The following ARHGEF11 variants were observed in gnomAD, a reference collection of about 807,000 sequenced individuals.
ARHGEF11 encodes Rho guanine exchange factor (GEF) 11.
ARHGEF11 carries 55 observed loss-of-function variants against 193.7 expected under a neutral mutation model. The ratio of observed to expected loss-of-function variants is 0.28; its 90% CI spans 0.23 to 0.36. ARHGEF11 has a LOEUF of 0.36. ARHGEF11 is among the 10% of genes least tolerant of loss of function. ARHGEF11 has a pLI of 1.00. For synonymous variants in ARHGEF11, 693 were observed against 768.0 expected (o/e 0.90, Z 1.62); for missense variants, 1,723 against 2,005.6 (o/e 0.86, Z 2.69).
chr1:157,020,498 T>C (rs1478356220), intron 1 of ARHGEF11, among the ~76,000 whole-genome samples: 1 of 152,236 alleles, frequency 6.6e-6, no homozygotes, highest in Admixed American at 6.5e-5. Context: ...AATGAGGCTA[T>C]GGTCTTTGAA....
At position 156,937,303 on chromosome 1, in the gene ARHGEF11, CACGTCCCTGAGG is replaced by C. The variant is rs1277461304; in HGVS notation, c.4374_4385del (p.Leu1459_Val1462del). The C allele has an allele frequency of 3.7e-6, 6 of 1,613,930 alleles. No individual in the cohort carries two copies. In the East Asian group the frequency reaches 1.1e-4, roughly 30 times the overall value. ...GCTCAATGGTATGGAAGATCATGCC[CACGTCCCTGAGG>C]GCCAGGCTTGGAGGAGAGCGGCTGG... On this transcript the variant is annotated inframe_deletion, in exon 39 of 41. Transcript: ENST00000368194.
chr1:156,969,221 G>A, intron 10 of ARHGEF11, 61 bp downstream of exon 10: 1 of 1,410,860 alleles, frequency 7.1e-7, no homozygotes, highest in East Asian at 2.5e-5. Flanking sequence ...AGCAGAACTT[G>A]GGTCAAGGGA....
chr1:156,992,465 C>T (rs1300025527), intron 1 of ARHGEF11, among the ~76,000 whole-genome samples: 1 of 152,190 alleles, frequency 6.6e-6, no homozygotes, highest in Non-Finnish European at 1.5e-5. Context: ...CAGGTGCCTT[C>T]TAACTATGCA....
At position 157,045,087 on chromosome 1, in the gene ARHGEF11, A is replaced by T. The variant is rs886990323; in HGVS notation, c.-757T>A. The T allele has an allele frequency of 6.6e-6, 1 of 152,142 alleles. No individual in the cohort carries two copies. Among genetic ancestry groups the T allele is most frequent in the Non-Finnish European group, 1.5e-5 (1 of 68,034 alleles). 9.4% of individuals were successfully genotyped at this position (152,142 alleles called of 1,614,324 possible). A position where few individuals can be genotyped will look rare whatever the true frequency, so the allele number is the denominator to read the frequency against. On this transcript the variant is annotated 5_prime_UTR_variant, in exon 1 of 41. Transcript: ENST00000368194. ...AATGAGCCAATTGCACCAAAAAAAA[A>T]AATAAAATAAAAATCAAAGAACACC...
intron 1 of ARHGEF11, among the ~76,000 whole-genome samples, chr1:157,013,835 C>A (rs1668864822): frequency 6.6e-6 from 1 of 152,248 alleles, no homozygotes; most frequent in Non-Finnish European, 1.5e-5. Context: ...CAGGTATCAA[C>A]GTCCTCTCAG....
At chr1:156,993,691 C>G (rs1666090835) in intron 1 of ARHGEF11, among the ~76,000 whole-genome samples, 1 of 152,124 alleles carries the variant, frequency 6.6e-6, no homozygotes. Context: ...CTCCTGGCAC[C>G]CTAACTTTCT....
In ARHGEF11 at chr1:156,948,772, A is replaced by G. The variant is rs1232344601; in HGVS notation, c.1926-274T>C. ...ATTAGGAAGGGATCCTAACAGGAAG[A>G]TGAAATCTGGGGCTAACAGACTCTG... On this transcript the variant is annotated intron_variant, in intron 22 of 40. Transcript: ENST00000368194. The surrounding 1 kb of genome is among the most constrained non-coding windows in gnomAD (Gnocchi z 4.2). 6 of 1,396,278 alleles carry G rather than the reference A, an allele frequency of 4.3e-6. No individual in the cohort carries two copies. The highest frequency in any genetic ancestry group is 5.6e-6 in the Non-Finnish European group (6 of 1,068,066). The allele number at this position is 1,396,278 out of a possible 1,614,324, so 86.5% of individuals were successfully genotyped here. A position where few individuals can be genotyped will look rare whatever the true frequency, so the allele number is the denominator to read the frequency against.
Position 156,978,532 on chromosome 1 carries a change from C to G in ARHGEF11, c.332-150G>C, listed in dbSNP as rs1311172785. 3 of 1,321,876 alleles carry G rather than the reference C, an allele frequency of 2.3e-6. No individual in the cohort carries two copies. In the African/African-American group the frequency reaches 4.5e-5, roughly 20 times the overall value. The allele number at this position is 1,321,876 out of a possible 1,614,324, so 81.9% of individuals were successfully genotyped here. A position where few individuals can be genotyped will look rare whatever the true frequency, so the allele number is the denominator to read the frequency against. On this transcript the variant is annotated intron_variant, in intron 5 of 40. Transcript: ENST00000368194. ...CCTCACTTTTAATGCCCCACCCATT[C>G]TCTAATCCCTGCCTTCATGCCCAAG...
In ARHGEF11 at chr1:156,968,247, C is replaced by T. The variant is rs540304657; in HGVS notation, c.826-123G>A. On this transcript the variant is annotated intron_variant, in intron 10 of 40. Coordinates refer to ENST00000368194, the MANE Select transcript of ARHGEF11 (RefSeq NM_198236.3). ...TCAGCTAAGAGAAGTGCAGTACTTG[C>T]TCTGTGCCTGGTATTATACTAAGCC... 45 of 1,097,278 alleles carry T rather than the reference C, an allele frequency of 4.1e-5. No homozygotes were observed. In the South Asian group the frequency reaches 6.5e-4, roughly 16 times the overall value. The allele number at this position is 1,097,278 out of a possible 1,614,324, so 68.0% of individuals were successfully genotyped here.
intron 17 of ARHGEF11, among the ~76,000 whole-genome samples, chr1:156,958,451 A>C (rs961524487): frequency 3.1e-4 from 47 of 152,268 alleles, no homozygotes; most frequent in African/African-American, 1.1e-3. Flanking sequence ...GAAGGGAGAG[A>C]GGTCAGGAGG....
At chr1:156,999,745 T>A (rs1039673957) in intron 1 of ARHGEF11, among the ~76,000 whole-genome samples, 4 of 152,028 alleles carry the variant, frequency 2.6e-5, no homozygotes, top group Non-Finnish European at 5.9e-5. Context: ...AGAACAAGCA[T>A]CTGTCACAGG....
rs1654797413 is a variant in ARHGEF11 at position 156,934,908 on chromosome 1, ATTATC to A, written c.*1087_*1091del. 3 of 149,960 alleles carry A rather than the reference ATTATC, an allele frequency of 2.0e-5. No homozygotes were observed. The highest frequency in any genetic ancestry group is 2.1e-4 in the South Asian group (1 of 4,788). 9.3% of individuals were successfully genotyped at this position (149,960 alleles called of 1,614,324 possible). On this transcript the variant is annotated 3_prime_UTR_variant, in exon 41 of 41. Transcript: ENST00000368194. ...AAAGGAAGAAAATAAAAGAGTATACATTATCTTAACAGCAGAACAGTCATTTCCAT... is the reference window on the plus strand; with the variant it reads ...AAAGGAAGAAAATAAAAGAGTATACATTAACAGCAGAACAGTCATTTCCAT...
chr1:156,945,993 G>A, intron 29 of ARHGEF11, 52 bp downstream of exon 29: 1 of 1,446,672 alleles, frequency 6.9e-7, no homozygotes, highest in Non-Finnish European at 9.7e-7. Flanking sequence ...TCAGAATGAG[G>A]GTCTGGCACG....
At chr1:157,036,159 G>A (rs1214475954) in intron 1 of ARHGEF11, among the ~76,000 whole-genome samples, 2 of 135,714 alleles carry the variant, frequency 1.5e-5, no homozygotes, top group Admixed American at 7.6e-5. Context: ...ATACATATAT[G>A]AATATATATA....
chr1:156,996,859 A>C (rs1156600644), intron 1 of ARHGEF11, among the ~76,000 whole-genome samples: 1 of 93,866 alleles, frequency 1.1e-5, no homozygotes. Flanking sequence ...CTCTCTCTCT[A>C]TTTTTTTTTT....
intron 1 of ARHGEF11, among the ~76,000 whole-genome samples, chr1:157,020,376 C>T (rs191064063): frequency 1.4e-4 from 22 of 152,234 alleles, no homozygotes; most frequent in Admixed American, 1.4e-3. Context: ...AGAAACTAAA[C>T]ATTCCCTTAC....
chr1:157,027,387 C>CA (rs1032838872), intron 1 of ARHGEF11, among the ~76,000 whole-genome samples: 7 of 151,420 alleles, frequency 4.6e-5, no homozygotes, highest in African/African-American at 9.7e-5. Flanking sequence ...GTCTCACACA[C>CA]AAAAAAAAGA....
intron 26 of ARHGEF11, 77 bp downstream of exon 26, chr1:156,947,227 C>A: frequency 1.3e-6 from 2 of 1,548,074 alleles, no homozygotes; most frequent in Non-Finnish European, 1.7e-6. Context: ...TCAGGGAGGT[C>A]CTGGCAGTGG....
At position 156,936,019 on chromosome 1, in the gene ARHGEF11, G is replaced by T; in HGVS notation, c.4670C>A (p.Ala1557Asp). 6.2e-7 allele frequency: 1 copy of T among 1,613,716 alleles called. No homozygotes were observed. Among genetic ancestry groups the T allele is most frequent in the Non-Finnish European group, 8.5e-7 (1 of 1,179,764 alleles). ...GTACGGTTATGGTCCTGGTGACGCG[G>T]CTGCGTCTGCTGTGCTGTCTTCCAG... ...APLEDSTADA[A>D]ASPGP The change falls in exon 41 of 41, where the codon GCC becomes GAC. Residue 1557 changes from alanine to aspartate, a missense_variant. Coordinates refer to ENST00000368194, the MANE Select transcript of ARHGEF11 (RefSeq NM_198236.3).
Sources: gnomAD v4.1 joint callset for allele counts (sites outside exome capture counted in the v4.1 genomes callset) on GRCh38, gnomAD v4.1.1 for gene constraint, Gnocchi (gnomAD v3.1) non-coding constraint, MANE v1.5 for transcripts, NCBI Gene and HGNC (gene_info 2026-07-23, HGNC 2026-07-21) for gene names.